The following ANKRD36C variants were observed in gnomAD, a reference collection of about 807,000 sequenced individuals.
ANKRD36C encodes ankyrin repeat domain 36C.
In ANKRD36C, 61 loss-of-function variants were observed where a neutral mutation model predicts 276.4. The observed-to-expected ratio is 0.22, with a 90% CI of 0.18 to 0.27. ANKRD36C has a LOEUF of 0.27. ANKRD36C is among the 10% of genes least tolerant of loss of function. The pLI, the probability that ANKRD36C is intolerant of heterozygous loss-of-function variation, is 1.00. For synonymous variants in ANKRD36C, 483 were observed against 680.1 expected, an observed-to-expected ratio of 0.71 and a Z score of 4.51; for missense variants, 1,447 against 2,032.3, an observed-to-expected ratio of 0.71 and a Z score of 5.54.
intron 54 of ANKRD36C, among the ~76,000 whole-genome samples, chr2:95,882,725 C>A (rs370751210): frequency 6.6e-6 from 1 of 151,968 alleles, no homozygotes; most frequent in African/African-American, 2.4e-5. Flanking sequence ...AGGTATTATG[C>A]GTCATGTGTG....
intron 28 of ANKRD36C, among the ~76,000 whole-genome samples, chr2:95,927,004 T>A (rs1677421471): frequency 6.6e-6 from 1 of 151,532 alleles, no homozygotes; most frequent in Non-Finnish European, 1.5e-5. Flanking sequence ...CGTTTATTCT[T>A]CCCAATTTCA....
intron 42 of ANKRD36C, among the ~76,000 whole-genome samples, chr2:95,903,402 A>C (rs1573753152): frequency 6.6e-6 from 1 of 150,714 alleles, no homozygotes; most frequent in East Asian, 2.0e-4. Flanking sequence ...GGAGCAACAC[A>C]TACACCTGAG....
intron 44 of ANKRD36C, 97 bp downstream of exon 60, chr2:95,897,173 T>C: frequency 3.7e-6 from 4 of 1,091,002 alleles, no homozygotes; most frequent in Non-Finnish European, 5.1e-6. Flanking sequence ...TGAATCAGAA[T>C]GTGCAGCTTC....
At chr2:95,926,393 T>C (rs1396140629) in intron 28 of ANKRD36C, among the ~76,000 whole-genome samples, 1 of 151,632 alleles carries the variant, frequency 6.6e-6, no homozygotes, top group African/African-American at 2.4e-5. Context: ...TATTTTTCTT[T>C]CTAAAATAGT....
intron 42 of ANKRD36C, 73 bp downstream of exon 50, chr2:95,906,558 C>G (rs1676763835): frequency 4.7e-6 from 1 of 211,282 alleles, no homozygotes; most frequent in African/African-American, 4.3e-5. Context: ...GACCAGCCCC[C>G]CACTGATTTA....
At chr2:95,863,747 C>T (rs975681763) in intron 60 of ANKRD36C, among the ~76,000 whole-genome samples, 12 of 152,054 alleles carry the variant, frequency 7.9e-5, no homozygotes, top group South Asian at 2.1e-4. Flanking sequence ...GAAAAGGCTA[C>T]TTACTGTATG....
chr2:95,859,750 C>T (rs372904125), intron 61 of ANKRD36C, 111 bp downstream of exon 81: 1 of 1,255,334 alleles, frequency 8.0e-7, no homozygotes, highest in South Asian at 1.4e-5. Flanking sequence ...GATTAAGAAG[C>T]TTTCTTCCCT....
chr2:95,876,289 C>T (rs1376666317), intron 59 of ANKRD36C, 150 bp downstream of exon 79: 3 of 695,214 alleles, frequency 4.3e-6, no homozygotes. Flanking sequence ...AGTTTTATAA[C>T]TAGTTAAATG....
chr2:95,927,132 T>TC (rs2104433693), intron 28 of ANKRD36C, 82 bp downstream of exon 28: 1 of 1,562,046 alleles, frequency 6.4e-7, no homozygotes, highest in East Asian at 2.3e-5. Flanking sequence ...CTTCAATGAA[T>TC]CCCCCGCTGA....
chr2:95,927,020 G>T (rs940316958), intron 28 of ANKRD36C, among the ~76,000 whole-genome samples, 194 bp downstream of exon 28: 3 of 151,412 alleles, frequency 2.0e-5, no homozygotes. Flanking sequence ...TTTCAATGTG[G>T]GGAAGTCTAT....
At chr2:95,965,813 C>T (rs1310859976) in intron 6 of ANKRD36C, among the ~76,000 whole-genome samples, 1 of 151,940 alleles carries the variant, frequency 6.6e-6, no homozygotes, top group African/African-American at 2.4e-5. Flanking sequence ...TTACAAAGAC[C>T]AAGTTGCAGT....
chr2:95,882,359 T>C lies in ANKRD36C; in HGVS notation c.3310A>G (p.Lys1104Glu), dbSNP rs758931290. The C allele has an allele frequency of 7.7e-6, 12 of 1,551,178 alleles. No individual in the cohort carries two copies. In the South Asian group the frequency reaches 1.3e-4, roughly 17 times the overall value. The change falls in exon 56 of 67, where the codon AAA becomes GAA. Residue 1104 changes from lysine (K) to glutamate (E), a missense_variant. Lys to Glu is a moderately conservative substitution (Grantham distance 56). Transcript: ENST00000456556. ...GTGGCAATATTCAAAAGAGAAACTT[T>C]CTTTTTAAATATAACCTGAATGGAA...
At chr2:95,957,509 C>A in intron 12 of ANKRD36C, among the ~76,000 whole-genome samples, 1 of 152,302 alleles carries the variant, frequency 6.6e-6, no homozygotes, top group Non-Finnish European at 1.5e-5. Context: ...TAATAATGAG[C>A]CTACACTTTT....
chr2:95,974,607 T>C (rs1678766482), intron 6 of ANKRD36C, among the ~76,000 whole-genome samples: 1 of 152,154 alleles, frequency 6.6e-6, no homozygotes, highest in South Asian at 2.1e-4. Flanking sequence ...TTCTCCATGA[T>C]GTTATATAAA....
At chr2:95,986,771 T>C (rs1347081555) in exon 3 of ANKRD36C, 6 of 1,611,860 alleles carry the variant, frequency 3.7e-6, no homozygotes, top group African/African-American at 1.3e-5. Context: ...TCTTCAATAT[T>C]TGCACCATAT....
chr2:95,930,209 T>C (rs1677527239), intron 24 of ANKRD36C, among the ~76,000 whole-genome samples: 1 of 151,618 alleles, frequency 6.6e-6, no homozygotes, highest in African/African-American at 2.4e-5. Context: ...AGCCAATGTA[T>C]GCATATTCAT....
intron 40 of ANKRD36C, among the ~76,000 whole-genome samples, chr2:95,912,798 C>T (rs1676973604): frequency 6.6e-6 from 1 of 151,282 alleles, no homozygotes; most frequent in African/African-American, 2.4e-5. Context: ...CTATATGATC[C>T]CATATGTCTT....
chr2:95,919,844 C>A lies in ANKRD36C; in HGVS notation c.2245+1763G>T, dbSNP rs535800812. On this transcript the variant is annotated intron_variant, in intron 34 of 66. Transcript: ENST00000456556. ...GAAAGAAAATAATAAATAAATAAATCAATGAAGTATGTGTCATAGACTACA... is the reference window on the plus strand; with the variant it reads ...GAAAGAAAATAATAAATAAATAAATAAATGAAGTATGTGTCATAGACTACA... 40 of 1,525,354 alleles carry A rather than the reference C, an allele frequency of 2.6e-5. 3 individuals are homozygous for A. The highest frequency in any genetic ancestry group is 2.3e-4 in the Middle Eastern group (1 of 4,432). The allele number at this position is 1,525,354 out of a possible 1,614,324, so 94.5% of individuals were successfully genotyped here.
chr2:95,926,687 T>C (rs1677410539), intron 28 of ANKRD36C, among the ~76,000 whole-genome samples: 1 of 151,558 alleles, frequency 6.6e-6, no homozygotes, highest in Admixed American at 6.6e-5. Flanking sequence ...AATATACAAC[T>C]GAACTCAGGT....
Sources: allele counts gnomAD v4.1 joint callset (sites outside exome capture counted in the v4.1 genomes callset), GRCh38; gene constraint gnomAD v4.1.1; transcripts MANE v1.5; gene names NCBI Gene and HGNC (gene_info 2026-07-23, HGNC 2026-07-21).